CDIP1: variants seen among roughly 807,000 people sequenced by gnomAD.
CDIP1 encodes cell death inducing p53 target 1.
Under a neutral mutation model 17.7 loss-of-function variants are expected in CDIP1, and 9 were observed. The observed-to-expected ratio is 0.51, with a 90% CI of 0.31 to 0.89. The LOEUF (loss-of-function observed/expected upper bound fraction) is 0.89, where lower values mean the gene tolerates loss of function less well. CDIP1 is among the 40% of genes least tolerant of loss of function. The pLI, the probability that CDIP1 is intolerant of heterozygous loss-of-function variation, is 0.05. For synonymous variants in CDIP1, 117 were observed against 109.5 expected, an observed-to-expected ratio of 1.07 and a Z score of -0.43; for missense variants, 263 against 277.9, an observed-to-expected ratio of 0.95 and a Z score of 0.38.
intron 1 of CDIP1, among the ~76,000 whole-genome samples, chr16:4,538,034 G>A (rs1567427331): frequency 1.3e-5 from 2 of 152,168 alleles, no homozygotes; most frequent in Non-Finnish European, 1.5e-5. Context: ...CTCGGCCACG[G>A]GGCTCCTCCT....
At chr16:4,520,338 C>CGT (rs1345358199) in intron 1 of CDIP1, among the ~76,000 whole-genome samples, 1 of 152,140 alleles carries the variant, frequency 6.6e-6, no homozygotes, top group African/African-American at 2.4e-5. Context: ...CTCTTGACCT[C>CGT]GTCATCTGCC....
At position 4,513,147 on chromosome 16, in the gene CDIP1, G is replaced by T. The variant is rs2058851214; in HGVS notation, c.242-83C>A. On this transcript the variant is annotated intron_variant, in intron 4 of 5. Transcript: ENST00000567695. The surrounding 1 kb of genome is among the most constrained non-coding windows in gnomAD (Gnocchi z 4.1). ...AAAGAGATTGGCGCAAAGCCCCACG[G>T]TCCACAGCGCCCAGCGTGCAAGGCT... is the stretch of plus-strand genomic sequence containing the variant. The T allele has an allele frequency of 7.4e-7, 1 of 1,358,836 alleles. No homozygotes were observed. Among genetic ancestry groups the T allele is most frequent in the Admixed American group, 2.6e-5 (1 of 38,214 alleles). The allele number at this position is 1,358,836 out of a possible 1,614,324, so 84.2% of individuals were successfully genotyped here. A position where few individuals can be genotyped will look rare whatever the true frequency, so the allele number is the denominator to read the frequency against.
intron 1 of CDIP1, among the ~76,000 whole-genome samples, chr16:4,529,925 G>A (rs894844372): frequency 1.3e-5 from 2 of 152,236 alleles, no homozygotes; most frequent in East Asian, 1.9e-4. Context: ...GGCTCTGCCC[G>A]CGGCCAGGTC....
intron 1 of CDIP1, among the ~76,000 whole-genome samples, chr16:4,526,181 C>T (rs903391626): frequency 3.3e-5 from 5 of 151,914 alleles, no homozygotes; most frequent in Admixed American, 2.0e-4. Flanking sequence ...CAGAGGTGGG[C>T]GGATCACGAG....
chr16:4,515,317 T>C (rs1280804169), intron 1 of CDIP1, among the ~76,000 whole-genome samples: 1 of 152,142 alleles, frequency 6.6e-6, no homozygotes, highest in Non-Finnish European at 1.5e-5. Context: ...AGCTCTTGGG[T>C]TCAACTATAA....
At chr16:4,516,966 A>C (rs186110112) in intron 1 of CDIP1, among the ~76,000 whole-genome samples, 52 of 152,180 alleles carry the variant, frequency 3.4e-4, no homozygotes, top group African/African-American at 1.2e-3. Flanking sequence ...TCCATCTTAC[A>C]AGACTCCGTG....
intron 1 of CDIP1, among the ~76,000 whole-genome samples, chr16:4,528,951 T>C (rs1382229859): frequency 6.6e-6 from 1 of 152,122 alleles, no homozygotes; most frequent in African/African-American, 2.4e-5. Flanking sequence ...GTCGCATCAT[T>C]GTACTCCAGG....
intron 1 of CDIP1, among the ~76,000 whole-genome samples, chr16:4,535,288 A>G (rs953708801): frequency 1.3e-5 from 2 of 152,194 alleles, no homozygotes; most frequent in African/African-American, 4.8e-5. Context: ...GTAAGAATCG[A>G]TGGTACTGAA....
intron 1 of CDIP1, among the ~76,000 whole-genome samples, chr16:4,516,369 G>T (rs2058887803): frequency 6.6e-6 from 1 of 152,072 alleles, no homozygotes. Context: ...AAAAACCACT[G>T]AATTGTACAC....
intron 1 of CDIP1, among the ~76,000 whole-genome samples, chr16:4,527,883 C>A (rs930586683): frequency 6.6e-6 from 1 of 152,006 alleles, no homozygotes; most frequent in Non-Finnish European, 1.5e-5. Context: ...ATGGTGCAGT[C>A]TAGGCTCACT....
In CDIP1 at chr16:4,512,009, T is replaced by A. The variant is rs2058835013; in HGVS notation, c.*563A>T. 6.3e-6 allele frequency: 1 copy of A among 158,720 alleles called. No individual in the cohort carries two copies. 9.8% of individuals were successfully genotyped at this position (158,720 alleles called of 1,614,324 possible). A position where few individuals can be genotyped will look rare whatever the true frequency, so the allele number is the denominator to read the frequency against. ...ACCTGAGAGTTCTGAGGGCCAGAGTTGGCAGTTTTACTTCCAGCCACCATG... is the reference window on the plus strand; with the variant it reads ...ACCTGAGAGTTCTGAGGGCCAGAGTAGGCAGTTTTACTTCCAGCCACCATG... On this transcript the variant is annotated 3_prime_UTR_variant, in exon 6 of 6. Coordinates refer to ENST00000567695, the MANE Select transcript of CDIP1 (RefSeq NM_013399.3). The surrounding 1 kb of genome is among the most constrained non-coding windows in gnomAD (Gnocchi z 4.6).
intron 1 of CDIP1, chr16:4,523,782 G>C (rs1429045988): frequency 6.6e-6 from 1 of 152,336 alleles, no homozygotes; most frequent in Admixed American, 6.5e-5. Flanking sequence ...GGACAGCAGA[G>C]GGAACAGTGA....
rs2058866639 is a variant in CDIP1 at position 4,514,295 on chromosome 16, C to A, written c.-14-151G>T. ...GGCACTGGGGATCCCCCACCTTTCC[C>A]AGGGCCACCTAGCCCAGAGCCACCA... On this transcript the variant is annotated intron_variant, in intron 2 of 5. Coordinates refer to ENST00000567695, the MANE Select transcript of CDIP1 (RefSeq NM_013399.3). This position sits in a 1 kb window ranked among gnomAD's most constrained non-coding sequence, Gnocchi z 5.2. The A allele has an allele frequency of 1.8e-6, 1 of 559,400 alleles. No individual in the cohort carries two copies. The highest frequency in any genetic ancestry group is 2.5e-5 in the South Asian group (1 of 39,334). The allele number at this position is 559,400 out of a possible 1,614,324, so 34.7% of individuals were successfully genotyped here. A position where few individuals can be genotyped will look rare whatever the true frequency, so the allele number is the denominator to read the frequency against.
At position 4,522,180 on chromosome 16, in the gene CDIP1, G is replaced by A. The variant is rs537044906; in HGVS notation, c.-104-7516C>T. ...AGCTCAGCTGGGCCACCTGCTCCAC[G>A]GTAACCCGAGACAACTCTTTGAGAA... On this transcript the variant is annotated intron_variant, in intron 1 of 5. Coordinates refer to ENST00000567695, the MANE Select transcript of CDIP1 (RefSeq NM_013399.3). 2.2e-3 allele frequency among the ~76,000 whole-genome samples: 338 copies of A among 152,288 alleles called. 1 individual carries two copies. Among genetic ancestry groups the A allele is most frequent in the Non-Finnish European group, 3.9e-3 (268 of 68,016 alleles).
At chr16:4,528,815 C>T (rs1473568200) in intron 1 of CDIP1, among the ~76,000 whole-genome samples, 1 of 151,706 alleles carries the variant, frequency 6.6e-6, no homozygotes, top group Non-Finnish European at 1.5e-5. Flanking sequence ...ATGGTGAAAC[C>T]CCATCTCTAC....
chr16:4,535,007 A>G (rs758904092), intron 1 of CDIP1, among the ~76,000 whole-genome samples: 3 of 152,220 alleles, frequency 2.0e-5, no homozygotes, highest in Non-Finnish European at 4.4e-5. Context: ...CATGAGCCAC[A>G]GCACCCGGCC....
chr16:4,517,466 G>A (rs1303338318), intron 1 of CDIP1, among the ~76,000 whole-genome samples: 11 of 152,146 alleles, frequency 7.2e-5, no homozygotes, highest in Non-Finnish European at 8.8e-5. Context: ...CAGGTGCAGG[G>A]ACTTATTCCT....
intron 1 of CDIP1, among the ~76,000 whole-genome samples, chr16:4,521,633 C>G (rs371821223): frequency 6.9e-6 from 1 of 145,316 alleles, no homozygotes; most frequent in African/African-American, 2.6e-5. Flanking sequence ...GAGGCCGAGA[C>G]GGGAGGATTA....
Position 4,513,888 on chromosome 16 carries a change from G to C in CDIP1, c.86-37C>G. The C allele has an allele frequency of 6.5e-7, 1 of 1,529,018 alleles. No individual in the cohort carries two copies. Among genetic ancestry groups the C allele is most frequent in the Non-Finnish European group, 8.8e-7 (1 of 1,139,182 alleles). The allele number at this position is 1,529,018 out of a possible 1,614,324, so 94.7% of individuals were successfully genotyped here. Reference sequence around the variant, plus strand: ...GAGGCAGAAAGAGGAGACTGAGCTGGAGCCTCTGCACGATGAGCTCGACCA... The same window carrying C: ...GAGGCAGAAAGAGGAGACTGAGCTGCAGCCTCTGCACGATGAGCTCGACCA... On this transcript the variant is annotated intron_variant, in intron 3 of 5. Coordinates refer to ENST00000567695, the MANE Select transcript of CDIP1 (RefSeq NM_013399.3). This position sits in a 1 kb window ranked among gnomAD's most constrained non-coding sequence, Gnocchi z 4.1.
Sources: allele counts gnomAD v4.1 joint callset (sites outside exome capture counted in the v4.1 genomes callset), GRCh38; gene constraint gnomAD v4.1.1; non-coding constraint Gnocchi (gnomAD v3.1); transcripts MANE v1.5; gene names NCBI Gene and HGNC (gene_info 2026-07-23, HGNC 2026-07-21).